Variants in ELAC2 observed in about 807,000 individuals in gnomAD.
ELAC2 encodes the protein zinc phosphodiesterase ELAC protein 2.
Under a neutral mutation model 105.2 loss-of-function variants are expected in ELAC2, and 92 were observed. The observed-to-expected ratio is 0.87, with a 90% CI of 0.74 to 1.04. The LOEUF is 1.04. Ranked by LOEUF, ELAC2 falls within the 50% of genes least tolerant of loss-of-function variation. The probability of loss-of-function intolerance (pLI) is 0.00; values close to 1 mark genes in which losing one functional copy is unlikely to be tolerated. For missense variants in ELAC2, 1,099 were observed against 1,071.7 expected, an observed-to-expected ratio of 1.03 and a Z score of -0.36; for synonymous variants, 468 against 409.1, an observed-to-expected ratio of 1.14 and a Z score of -1.74.
intron 19 of ELAC2, 38 bp downstream of exon 19, chr17:12,995,665 G>C (rs374692416): frequency 3.9e-5 from 61 of 1,573,898 alleles, no homozygotes; most frequent in Non-Finnish European, 4.9e-5. Context: ...ACGGCAGCAA[G>C]CAACAGCCCA....
Position 12,996,578 on chromosome 17 carries a change from AAC to A in ELAC2, c.1626_1627del (p.Phe543CysfsTer72), listed in dbSNP as rs1164153660. 1 of 1,614,048 alleles carries A rather than the reference AAC, an allele frequency of 6.2e-7. No individual in the cohort carries two copies. Among genetic ancestry groups the A allele is most frequent in the South Asian group, 1.1e-5 (1 of 91,084 alleles). On this transcript the variant is annotated frameshift_variant, in exon 17 of 24. Transcript: ENST00000338034. LOFTEE classifies it high-confidence loss of function. The stretch of plus-strand genomic sequence containing the variant: ...GTGATCTGCGTGCAGGTGGGACACA[AAC>A]ACAGCAGCCAGGGTGCCCAGGACCC...
chr17:13,003,398 G>C (rs893797111), intron 12 of ELAC2, 81 bp downstream of exon 12: 1 of 1,333,594 alleles, frequency 7.5e-7, no homozygotes, highest in Non-Finnish European at 1.1e-6. Context: ...GGTAGCGCTG[G>C]AAAGAGCACG....
intron 10 of ELAC2, among the ~76,000 whole-genome samples, chr17:13,005,473 G>T (rs1020141580): frequency 6.6e-6 from 1 of 152,150 alleles, no homozygotes; most frequent in Non-Finnish European, 1.5e-5. Context: ...TCTGTTGTTA[G>T]ACACTGTCCT....
chr17:12,994,941 T>G (rs902607371), intron 20 of ELAC2, 22 bp downstream of exon 20: 1 of 1,614,148 alleles, frequency 6.2e-7, no homozygotes, highest in South Asian at 1.1e-5. Flanking sequence ...GCCCCCATGA[T>G]GCCTGCGGCT....
Position 13,017,740 on chromosome 17 carries a change from A to G in ELAC2, c.208T>C (p.Ser70Pro). 1 of 1,612,086 alleles carries G rather than the reference A, an allele frequency of 6.2e-7. No individual in the cohort carries two copies. The highest frequency in any genetic ancestry group is 8.5e-7 in the Non-Finnish European group (1 of 1,179,564). The stretch of plus-strand genomic sequence containing the variant: ...GAGAAGACGTAGAGCGCGGCGCCCG[A>G]GTCCCGGCTACCCGCTGCCACCACC... ...LQVVAAGSRDSGAALYVFSEF... is the reference protein window; with the variant it reads ...LQVVAAGSRDPGAALYVFSEF... Residue 70 changes from serine (S) to proline (P), a missense_variant, in exon 1 of 24, where the codon TCG (serine) becomes CCG (proline). Transcript: ENST00000338034.
At chr17:12,998,688 A>C (rs1407033982) in intron 15 of ELAC2, among the ~76,000 whole-genome samples, 180 bp from the exon 16 acceptor site, 1 of 152,206 alleles carries the variant, frequency 6.6e-6, no homozygotes, top group African/African-American at 2.4e-5. Flanking sequence ...TTTGGGCTAC[A>C]GGGACGGACC....
chr17:13,017,699 T>A lies in ELAC2; in HGVS notation c.245+4A>T. 2 of 1,613,200 alleles carry A rather than the reference T, an allele frequency of 1.2e-6. No individual in the cohort carries two copies. The highest frequency in any genetic ancestry group is 1.7e-6 in the Non-Finnish European group (2 of 1,179,792). Reference sequence around the variant, plus strand: ...GCGGGACGGGGCGTGGCTCGTTGACTGACCGGTTGAACTCGGAGAAGACGT... The same window carrying A: ...GCGGGACGGGGCGTGGCTCGTTGACAGACCGGTTGAACTCGGAGAAGACGT... On this transcript the variant is annotated splice_donor_region_variant and intron_variant, in intron 1 of 23. Coordinates refer to ENST00000338034, the MANE Select transcript of ELAC2 (RefSeq NM_018127.7).
intron 23 of ELAC2, 30 bp downstream of exon 23, chr17:12,993,657 C>T (rs745981324): frequency 5.6e-6 from 9 of 1,613,826 alleles, no homozygotes; most frequent in South Asian, 2.2e-5. Flanking sequence ...GCCCCGTCCC[C>T]GCCCTGTGCT....
At chr17:12,994,633 CAG>C (rs1470941467) in intron 21 of ELAC2, 129 bp downstream of exon 21, 1 of 1,598,032 alleles carries the variant, frequency 6.3e-7, no homozygotes, top group Non-Finnish European at 8.6e-7. Flanking sequence ...GGATGACAAC[CAG>C]AGACTCTGAG....
At chr17:13,003,658 G>T in intron 11 of ELAC2, 84 bp from the exon 12 acceptor site, 2 of 1,235,120 alleles carry the variant, frequency 1.6e-6, no homozygotes, top group Non-Finnish European at 2.4e-6. Flanking sequence ...GAGGGGTATC[G>T]TGCGGCCCTC....
rs199696809 is a variant in ELAC2 at position 13,010,584 on chromosome 17, T to G, written c.738+29A>C. The stretch of plus-strand genomic sequence containing the variant: ...AGGTCGCTGACCAAGACCCCAGTCA[T>G]GTACAGCCCTCCGGAAAGTCTTCCT... On this transcript the variant is annotated intron_variant, in intron 8 of 23. Coordinates refer to ENST00000338034, the MANE Select transcript of ELAC2 (RefSeq NM_018127.7). 4.6e-5 allele frequency: 74 copies of G among 1,611,384 alleles called. No individual in the cohort carries two copies. In the East Asian group the frequency reaches 1.6e-3, roughly 35 times the overall value.
intron 16 of ELAC2, among the ~76,000 whole-genome samples, chr17:12,997,254 G>T (rs1301408192): frequency 6.6e-6 from 1 of 152,172 alleles, no homozygotes; most frequent in African/African-American, 2.4e-5. Context: ...CAGGGCTCTG[G>T]AAGTCTGGAT....
intron 8 of ELAC2, among the ~76,000 whole-genome samples, chr17:13,007,505 A>G (rs1391333480): frequency 6.6e-6 from 1 of 152,230 alleles, no homozygotes; most frequent in Non-Finnish European, 1.5e-5. Context: ...TAGATAACTA[A>G]CAACCATGTC....
chr17:12,994,629 C>A, intron 21 of ELAC2, 126 bp from the exon 22 acceptor site: 4 of 1,599,408 alleles, frequency 2.5e-6, no homozygotes, highest in Non-Finnish European at 3.4e-6. Flanking sequence ...ACTAGGATGA[C>A]AACCAGAGAC....
At chr17:13,016,999 A>C (rs1398787725) in intron 2 of ELAC2, 67 bp from the exon 3 acceptor site, 1 of 1,612,596 alleles carries the variant, frequency 6.2e-7, no homozygotes, top group African/African-American at 1.3e-5. Context: ...GCTATAAAAA[A>C]CAACTGGCCT....
Position 13,017,991 on chromosome 17 carries a change from G to C in ELAC2, c.-44C>G. On this transcript the variant is annotated 5_prime_UTR_variant, in exon 1 of 24. Transcript: ENST00000338034. ...ACTGAGAAAGCCGCCGGTCACCTACGCCCGCGTTTCCCGTGCACCACCTAG... is the reference window on the plus strand; with the variant it reads ...ACTGAGAAAGCCGCCGGTCACCTACCCCCGCGTTTCCCGTGCACCACCTAG... The C allele has an allele frequency of 6.5e-7, 1 of 1,533,912 alleles. No homozygotes were observed. The highest frequency in any genetic ancestry group is 1.4e-5 in the African/African-American group (1 of 73,062).
chr17:12,997,315 T>C (rs1257115064), intron 16 of ELAC2, among the ~76,000 whole-genome samples: 1 of 152,218 alleles, frequency 6.6e-6, no homozygotes, highest in African/African-American at 2.4e-5. Flanking sequence ...TCAGAAGCTC[T>C]GCTCCAAGGC....
In ELAC2 at chr17:13,018,005, T is replaced by G; in HGVS notation, c.-58A>C. 1 of 1,533,518 alleles carries G rather than the reference T, an allele frequency of 6.5e-7. No homozygotes were observed. The highest frequency in any genetic ancestry group is 8.7e-7 in the Non-Finnish European group (1 of 1,146,476). 95.0% of individuals were successfully genotyped at this position (1,533,518 alleles called of 1,614,324 possible). Reference sequence around the variant, plus strand: ...CGGTCACCTACGCCCGCGTTTCCCGTGCACCACCTAGCCGCTCCGCATGGC... The same window carrying G: ...CGGTCACCTACGCCCGCGTTTCCCGGGCACCACCTAGCCGCTCCGCATGGC... On this transcript the variant is annotated 5_prime_UTR_variant, in exon 1 of 24. Coordinates refer to ENST00000338034, the MANE Select transcript of ELAC2 (RefSeq NM_018127.7).
intron 16 of ELAC2, 70 bp from the exon 17 acceptor site, chr17:12,996,755 G>A (rs926216758): frequency 2.5e-6 from 4 of 1,580,996 alleles, no homozygotes; most frequent in Non-Finnish European, 3.4e-6. Flanking sequence ...GCTGATGTCT[G>A]CTTTGGACAG....
Sources: gnomAD v4.1 joint callset for allele counts (sites outside exome capture counted in the v4.1 genomes callset) on GRCh38, gnomAD v4.1.1 for gene constraint, MANE v1.5 for transcripts, NCBI Gene and HGNC (gene_info 2026-07-23, HGNC 2026-07-21) for gene names.